Variants in PCDH7 observed in about 807,000 individuals in gnomAD.
PCDH7 encodes protocadherin-7.
PCDH7 carries 17 observed loss-of-function variants against 58.9 expected under a neutral mutation model. That is an observed-to-expected ratio of 0.29 (90% CI 0.20 to 0.43). The LOEUF (loss-of-function observed/expected upper bound fraction) is 0.43, where lower values mean the gene tolerates loss of function less well. Ranked by LOEUF, PCDH7 falls within the 20% of genes least tolerant of loss-of-function variation. The pLI, the probability that PCDH7 is intolerant of heterozygous loss-of-function variation, is 1.00. For missense variants in PCDH7, 1,274 were observed against 1,441.0 expected, an observed-to-expected ratio of 0.88 and a Z score of 1.88; for synonymous variants, 664 against 616.4, an observed-to-expected ratio of 1.08 and a Z score of -1.14.
At position 30,723,610 on chromosome 4, in the gene PCDH7, C is replaced by T. The variant is rs751537729; in HGVS notation, c.2188C>T (p.Leu730Phe). 6.2e-6 allele frequency: 10 copies of T among 1,614,090 alleles called. No homozygotes were observed. The highest frequency in any genetic ancestry group is 1.7e-5 in the Admixed American group (1 of 59,998). Residue 730 changes from leucine to phenylalanine, a missense_variant, in exon 1 of 2, where the codon CTT (leucine) becomes TTT (phenylalanine). Physicochemically the swap from Leu to Phe is conservative, Grantham distance 22 (BLOSUM62 0). Transcript: ENST00000361762. The surrounding 1 kb of genome is among the most constrained non-coding windows in gnomAD (Gnocchi z 4.6). The stretch of plus-strand genomic sequence containing the variant: ...CAGATCTGCCACAGCTACAGTCTCG[C>T]TTTTTGTGATGGATGAAAATGACAA...
intron 3 of PCDH7, among the ~76,000 whole-genome samples, chr4:30,950,442 T>C (rs1031081117): frequency 2.0e-5 from 3 of 152,204 alleles, no homozygotes; most frequent in African/African-American, 7.2e-5. Flanking sequence ...AATGATATTA[T>C]TCTCAGGGAA....
intron 1 of PCDH7, among the ~76,000 whole-genome samples, chr4:30,866,754 C>T (rs1433922852): frequency 2.0e-5 from 3 of 151,602 alleles, no homozygotes; most frequent in Non-Finnish European, 4.4e-5. Context: ...TCTCTGCAAT[C>T]CTTACATGGT....
intron 1 of PCDH7, among the ~76,000 whole-genome samples, chr4:30,747,287 T>G (rs1717906258): frequency 6.6e-6 from 1 of 152,222 alleles, no homozygotes; most frequent in South Asian, 2.1e-4. Flanking sequence ...ATTTTCCAAG[T>G]GCCTTCCAAA....
chr4:31,053,510 G>A (rs1756919178), intron 3 of PCDH7, among the ~76,000 whole-genome samples: 1 of 152,104 alleles, frequency 6.6e-6, no homozygotes, highest in Non-Finnish European at 1.5e-5. Flanking sequence ...CAAGGTGGGA[G>A]GATCACTTAA....
chr4:30,824,099 CT>C (rs779300865), intron 1 of PCDH7, among the ~76,000 whole-genome samples: 1 of 111,308 alleles, frequency 9.0e-6, no homozygotes. Context: ...TTCTTTCTTT[CT>C]TTCTTTCTTT....
chr4:31,145,422 T>G (rs1379593070), downstream of PCDH7: 4 of 151,928 alleles, frequency 2.6e-5, no homozygotes, highest in African/African-American at 9.7e-5. Context: ...ATAGGTTAAA[T>G]CTGGTGCCAC....
intron 1 of PCDH7, among the ~76,000 whole-genome samples, chr4:30,790,871 C>T (rs561594608): frequency 4.7e-4 from 71 of 151,918 alleles, no homozygotes; most frequent in African/African-American, 1.3e-3. Flanking sequence ...TGCAGTGACC[C>T]GTGTTCACAG....
At chr4:31,028,202 A>G (rs1052297980) in intron 3 of PCDH7, among the ~76,000 whole-genome samples, 15 of 152,182 alleles carry the variant, frequency 9.9e-5, no homozygotes, top group Non-Finnish European at 2.2e-4. Flanking sequence ...AAAAAGTTAT[A>G]TGATATGCAG....
chr4:31,028,233 C>T (rs889221624), intron 3 of PCDH7, among the ~76,000 whole-genome samples: 1 of 151,936 alleles, frequency 6.6e-6, no homozygotes, highest in East Asian at 1.9e-4. Context: ...AGGAATATTC[C>T]TAGAATAAGA....
At chr4:30,999,036 G>A (rs773690984) in intron 3 of PCDH7, among the ~76,000 whole-genome samples, 3 of 152,128 alleles carry the variant, frequency 2.0e-5, no homozygotes, top group Non-Finnish European at 2.9e-5. Flanking sequence ...CCTGGATAGA[G>A]GGTGGGACGC....
chr4:30,991,027 T>C (rs1173913214), intron 3 of PCDH7, among the ~76,000 whole-genome samples: 1 of 152,160 alleles, frequency 6.6e-6, no homozygotes, highest in Non-Finnish European at 1.5e-5. Flanking sequence ...GGGGATTCTA[T>C]AGATGTAAAT....
chr4:30,913,737 A>G (rs1276629739), intron 1 of PCDH7, among the ~76,000 whole-genome samples: 2 of 152,104 alleles, frequency 1.3e-5, no homozygotes, highest in Non-Finnish European at 2.9e-5. Context: ...TGCAATCCAG[A>G]TGGATTCTAA....
chr4:31,096,869 G>T (rs1714061242), intron 3 of PCDH7, among the ~76,000 whole-genome samples: 1 of 151,736 alleles, frequency 6.6e-6, no homozygotes, highest in Non-Finnish European at 1.5e-5. Flanking sequence ...TTCTGTAAAA[G>T]TTCATAATTG....
At chr4:30,974,640 G>T (rs911124909) in intron 3 of PCDH7, among the ~76,000 whole-genome samples, 2 of 152,114 alleles carry the variant, frequency 1.3e-5, no homozygotes. Flanking sequence ...ATCCGGGAGT[G>T]CCAAGATGAA....
intron 3 of PCDH7, among the ~76,000 whole-genome samples, chr4:31,098,627 G>A (rs946254732): frequency 6.6e-6 from 1 of 152,134 alleles, no homozygotes; most frequent in African/African-American, 2.4e-5. Flanking sequence ...TTTTGTAACT[G>A]TCAGATTGTA....
rs1578500172 is a variant in PCDH7, at chr4:30,989,558, A to T, written c.*7+39343A>T. On this transcript the variant is annotated intron_variant, in intron 3 of 3. Transcript: ENST00000509759. ...TACAGGTGCCGCACCATTCCAAGGA[A>T]CTGCAGGTACTAAAAGAATGGGCAG... Among the ~76,000 whole-genome samples the T allele has an allele frequency of 4.6e-5, 7 of 152,250 alleles. No homozygotes were observed. The East Asian group carries it at 1.4e-3, about 29-fold the overall frequency.
chr4:31,095,126 T>A (rs1398278833), intron 3 of PCDH7, among the ~76,000 whole-genome samples: 4 of 152,188 alleles, frequency 2.6e-5, no homozygotes, highest in Non-Finnish European at 5.9e-5. Flanking sequence ...TATTTTTTTT[T>A]TTATGGCTAA....
At chr4:30,730,769 A>G in exon 2 of PCDH7, 1 of 1,606,972 alleles carries the variant, frequency 6.2e-7, no homozygotes, top group Non-Finnish European at 8.5e-7. Flanking sequence ...CTACATCCAT[A>G]CATTACTGTG....
At chr4:31,060,727 A>G (rs969950612) in intron 3 of PCDH7, among the ~76,000 whole-genome samples, 1 of 151,744 alleles carries the variant, frequency 6.6e-6, no homozygotes, top group Non-Finnish European at 1.5e-5. Flanking sequence ...CTTTTAAGTT[A>G]GTGATTTTTC....
Sources: gnomAD v4.1 joint callset for allele counts (sites outside exome capture counted in the v4.1 genomes callset) on GRCh38, gnomAD v4.1.1 for gene constraint, Gnocchi (gnomAD v3.1) non-coding constraint, MANE v1.5 for transcripts, NCBI Gene and HGNC (gene_info 2026-07-23, HGNC 2026-07-21) for gene names.